Variants in JAKMIP3 observed in about 807,000 individuals in gnomAD.
JAKMIP3 encodes the protein janus kinase and microtubule-interacting protein 3.
JAKMIP3 carries 58 observed loss-of-function variants against 118.5 expected under a neutral mutation model. The observed-to-expected ratio is 0.49, with a 90% CI of 0.40 to 0.61. The LOEUF is 0.61. Among genes scored for constraint, JAKMIP3 ranks in the 20% least tolerant of loss-of-function variants. The pLI, the probability that JAKMIP3 is intolerant of heterozygous loss-of-function variation, is 0.00. For synonymous variants in JAKMIP3, 486 were observed against 451.2 expected, an observed-to-expected ratio of 1.08 and a Z score of -0.98; for missense variants, 950 against 1,109.0, an observed-to-expected ratio of 0.86 and a Z score of 2.04.
rs1458330025 is a variant in JAKMIP3, at chr10:132,046,499, C to CT, written c.-138+9762dup. ...ACCATCCAGGGCGTCCACTTTGCAC[C>CT]TGGCTTTCTGTTCTCAGCATCGCGT... On this transcript the variant is annotated intron_variant, in intron 1 of 23. Coordinates refer to the JAKMIP3 transcript ENST00000657785. Among the ~76,000 whole-genome samples the CT allele has an allele frequency of 1.2e-4, 18 of 152,090 alleles. 1 individual carries two copies. The highest frequency in any genetic ancestry group is 1.0e-3 in the South Asian group (5 of 4,812).
intron 1 of JAKMIP3, among the ~76,000 whole-genome samples, chr10:132,054,716 G>A (rs1314928409): frequency 6.6e-6 from 1 of 152,216 alleles, no homozygotes. Context: ...TGTGGTCAGT[G>A]AGCTGAAGTC....
At chr10:132,037,254 T>G (rs989615929) in intron 1 of JAKMIP3, among the ~76,000 whole-genome samples, 4 of 152,142 alleles carry the variant, frequency 2.6e-5, no homozygotes, top group Non-Finnish European at 5.9e-5. Flanking sequence ...AAATATTCTC[T>G]GCGTGTACCC....
rs1565022478 is a variant in JAKMIP3, at chr10:132,180,774, T to TGTGTGCGTGC, written c.*1104-1578_*1104-1577insCGTGCGTGTG. On this transcript the variant is annotated intron_variant, in intron 23 of 23. Coordinates refer to ENST00000684848, the MANE Select transcript of JAKMIP3 (RefSeq NM_001323087.2). ...GCGCGTGTGTGCGTGTGTGTGCGTG[T>TGTGTGCGTGC]GTGTGTGTGCGCGTATGCATGTGCT... Among the ~76,000 whole-genome samples the TGTGTGCGTGC allele has an allele frequency of 3.4e-3, 223 of 65,878 alleles. 89 individuals are homozygous for TGTGTGCGTGC. The East Asian group carries it at 0.072, about 21-fold the overall frequency. 43.2% of individuals were successfully genotyped at this position (65,878 alleles called of 152,430 possible).
intron 1 of JAKMIP3, among the ~76,000 whole-genome samples, chr10:132,072,084 T>A (rs2040051380): frequency 6.6e-6 from 1 of 151,976 alleles, no homozygotes; most frequent in Non-Finnish European, 1.5e-5. Flanking sequence ...CTCGAGTAGC[T>A]GGGATTACAG....
intron 16 of JAKMIP3, 89 bp downstream of exon 16, chr10:132,150,130 C>G: frequency 9.3e-7 from 1 of 1,073,390 alleles, no homozygotes; most frequent in Non-Finnish European, 1.4e-6. Context: ...TGCCAGCCTC[C>G]CACAGCCCTG....
intron 1 of JAKMIP3, among the ~76,000 whole-genome samples, chr10:132,089,969 C>T (rs1003832687): frequency 2.6e-5 from 4 of 152,060 alleles, no homozygotes; most frequent in Non-Finnish European, 5.9e-5. Context: ...GAGATAACCA[C>T]GTGGTTTTTG....
At chr10:132,133,175 T>G (rs2135702783) in intron 3 of JAKMIP3, 137 bp from the exon 4 acceptor site, 1 of 739,722 alleles carries the variant, frequency 1.4e-6, no homozygotes, top group Non-Finnish European at 2.3e-6. Flanking sequence ...GGCCACGGGC[T>G]CCTGCTCTTA....
chr10:132,180,748 C>CGTGTGTGTGTGTGT (rs1389047093), intron 23 of JAKMIP3, among the ~76,000 whole-genome samples: 2 of 8,328 alleles, frequency 2.4e-4, no homozygotes, highest in African/African-American at 6.9e-4. Flanking sequence ...CGTGCGTGCG[C>CGTGTGTGTGTGTGT]GCGCGTGTGT....
At chr10:132,109,691 A>G (rs185250863) in intron 2 of JAKMIP3, among the ~76,000 whole-genome samples, 1 of 152,092 alleles carries the variant, frequency 6.6e-6, no homozygotes, top group Admixed American at 6.5e-5. Context: ...GGAATATCCC[A>G]TCTGAGTTGA....
At chr10:132,121,883 G>A (rs914300236) in intron 3 of JAKMIP3, among the ~76,000 whole-genome samples, 1 of 152,182 alleles carries the variant, frequency 6.6e-6, no homozygotes, top group Non-Finnish European at 1.5e-5. Flanking sequence ...GTCTGGCAGG[G>A]CTGGTGAAGG....
intron 2 of JAKMIP3, 24 bp downstream of exon 2, chr10:132,104,967 C>A (rs1345617033): frequency 1.3e-6 from 2 of 1,570,878 alleles, no homozygotes; most frequent in Admixed American, 3.7e-5. Context: ...AGACCTCCAC[C>A]CTTGAATGTC....
At chr10:132,095,430 G>A (rs530892299) in intron 1 of JAKMIP3, among the ~76,000 whole-genome samples, 3 of 152,278 alleles carry the variant, frequency 2.0e-5, no homozygotes, top group South Asian at 2.1e-4. Context: ...TATTTCGCTC[G>A]ACTCAGCTCC....
intron 1 of JAKMIP3, among the ~76,000 whole-genome samples, chr10:132,069,514 G>A (rs1476019339): frequency 6.6e-6 from 1 of 152,108 alleles, no homozygotes; most frequent in African/African-American, 2.4e-5. Context: ...CTCCGATGGG[G>A]AGGAGTTAGG....
chr10:132,153,478 C>A (rs1564971841), intron 17 of JAKMIP3, among the ~76,000 whole-genome samples: 1 of 152,160 alleles, frequency 6.6e-6, no homozygotes, highest in African/African-American at 2.4e-5. Flanking sequence ...CCTGTCCTGG[C>A]AGAGCTCTGC....
intron 19 of JAKMIP3, among the ~76,000 whole-genome samples, chr10:132,154,660 C>T (rs764171467): frequency 2.0e-5 from 3 of 152,056 alleles, no homozygotes; most frequent in Admixed American, 6.5e-5. Context: ...AGGGTCTTGA[C>T]CCTCATGCCT....
chr10:132,167,896 T>TCGG (rs2059117419), intron 22 of JAKMIP3, 57 bp from the exon 23 acceptor site: 2 of 1,224,646 alleles, frequency 1.6e-6, no homozygotes, highest in Admixed American at 4.8e-5. Flanking sequence ...CCCTCGCCCC[T>TCGG]CACTCCAGCC....
intron 1 of JAKMIP3, among the ~76,000 whole-genome samples, chr10:132,039,073 A>T (rs898091937): frequency 6.6e-6 from 1 of 152,234 alleles, no homozygotes; most frequent in African/African-American, 2.4e-5. Context: ...AGGTACAGAC[A>T]TCGCCTAAAA....
chr10:132,159,330 C>T (rs1466435648), intron 19 of JAKMIP3, among the ~76,000 whole-genome samples: 20 of 109,592 alleles, frequency 1.8e-4, no homozygotes, highest in Non-Finnish European at 2.1e-4. Context: ...GGGCGCCTCT[C>T]CCTGTGTGAT....
intron 20 of JAKMIP3, among the ~76,000 whole-genome samples, chr10:132,163,780 C>A (rs1293532439): frequency 1.3e-5 from 2 of 152,232 alleles, no homozygotes; most frequent in Admixed American, 1.3e-4. Flanking sequence ...GTTGCGGAGG[C>A]CTCTGGGTGG....
Sources: gnomAD v4.1 joint callset for allele counts (sites outside exome capture counted in the v4.1 genomes callset) on GRCh38, gnomAD v4.1.1 for gene constraint, MANE v1.5 for transcripts, NCBI Gene and HGNC (gene_info 2026-07-23, HGNC 2026-07-21) for gene names.